Variants in ITGAV observed in about 807,000 individuals in gnomAD.
ITGAV encodes integrin alpha-V.
In ITGAV, 76 loss-of-function variants were observed where a neutral mutation model predicts 143.8. The observed-to-expected ratio is 0.53, with a 90% confidence interval of 0.44 to 0.64. ITGAV has a LOEUF of 0.64. Ranked by LOEUF, ITGAV falls within the 30% of genes least tolerant of loss-of-function variation. ITGAV has a pLI of 0.00. For missense variants in ITGAV, 1,193 were observed against 1,274.7 expected (o/e 0.94, Z 0.98); for synonymous variants, 453 against 446.7 (o/e 1.01, Z -0.18).
At chr2:186,616,853 A>G (rs945348032) in intron 2 of ITGAV, among the ~76,000 whole-genome samples, 4 of 151,734 alleles carry the variant, frequency 2.6e-5, no homozygotes, top group Non-Finnish European at 5.9e-5. Context: ...TCTTCCACTA[A>G]CCTGTCCATT....
At chr2:186,613,088 C>T (rs569160328) in intron 2 of ITGAV, among the ~76,000 whole-genome samples, 3 of 150,720 alleles carry the variant, frequency 2.0e-5, no homozygotes, top group African/African-American at 7.3e-5. Context: ...AAAGTTTCTT[C>T]CTTTCCCTGC....
chr2:186,665,872 T>C (rs912415363), intron 21 of ITGAV, among the ~76,000 whole-genome samples: 11 of 152,220 alleles, frequency 7.2e-5, no homozygotes, highest in Non-Finnish European at 4.4e-5. Context: ...CATATTTCTT[T>C]AGTATGTTTT....
intron 2 of ITGAV, among the ~76,000 whole-genome samples, chr2:186,608,987 T>C (rs1687142009): frequency 6.6e-6 from 1 of 152,188 alleles, no homozygotes; most frequent in Admixed American, 6.5e-5. Context: ...ATCATGCCTC[T>C]TTGCATCATT....
At chr2:186,675,526 A>G in intron 26 of ITGAV, 78 bp from the exon 27 acceptor site, 2 of 1,084,788 alleles carry the variant, frequency 1.8e-6, no homozygotes, top group Non-Finnish European at 2.8e-6. Context: ...CACAAAAAGA[A>G]AAAAAATGGC....
At chr2:186,666,095 G>A (rs1377516287) in intron 21 of ITGAV, among the ~76,000 whole-genome samples, 1 of 152,182 alleles carries the variant, frequency 6.6e-6, no homozygotes, top group East Asian at 1.9e-4. Context: ...TGTGGAGTGG[G>A]AGGCAGAACC....
chr2:186,617,454 A>G (rs1012884778), intron 2 of ITGAV, among the ~76,000 whole-genome samples: 1 of 152,242 alleles, frequency 6.6e-6, no homozygotes, highest in African/African-American at 2.4e-5. Flanking sequence ...TTCTGTCCTC[A>G]AGCATGCAGT....
intron 26 of ITGAV, among the ~76,000 whole-genome samples, chr2:186,675,153 A>G (rs558364153): frequency 2.0e-5 from 3 of 152,328 alleles, no homozygotes; most frequent in African/African-American, 7.2e-5. Flanking sequence ...GTCAGAGGCC[A>G]TCAGCATGCG....
chr2:186,618,739 A>G (rs1687438096), intron 2 of ITGAV, among the ~76,000 whole-genome samples: 1 of 76,690 alleles, frequency 1.3e-5, no homozygotes, highest in Non-Finnish European at 3.3e-5. Context: ...TGCTTAGCAT[A>G]GAAGGCAACT....
At chr2:186,609,465 T>C (rs1348033253) in intron 2 of ITGAV, among the ~76,000 whole-genome samples, 1 of 152,156 alleles carries the variant, frequency 6.6e-6, no homozygotes, top group Non-Finnish European at 1.5e-5. Context: ...TCCTGTAACA[T>C]GATTTTGGTG....
At chr2:186,601,347 C>T (rs1686898156) in intron 1 of ITGAV, among the ~76,000 whole-genome samples, 1 of 151,666 alleles carries the variant, frequency 6.6e-6, no homozygotes, top group Middle Eastern at 3.2e-3. Flanking sequence ...TGTAGTTCTA[C>T]CTGCTCAGGA....
At chr2:186,656,450 T>C in intron 17 of ITGAV, 49 bp downstream of exon 17, 1 of 1,297,426 alleles carries the variant, frequency 7.7e-7, no homozygotes, top group East Asian at 2.8e-5. Flanking sequence ...TAGTCATTAG[T>C]TTTTTATCTA....
At chr2:186,611,887 A>G (rs1687226510) in intron 2 of ITGAV, among the ~76,000 whole-genome samples, 1 of 152,284 alleles carries the variant, frequency 6.6e-6, no homozygotes, top group Middle Eastern at 3.4e-3. Flanking sequence ...CCTGGGCAAC[A>G]TAATGAGATC....
At chr2:186,668,202 A>C (rs1559068075) in intron 24 of ITGAV, among the ~76,000 whole-genome samples, 1 of 12,936 alleles carries the variant, frequency 7.7e-5, no homozygotes, top group Admixed American at 8.6e-4. Flanking sequence ...ATATATATAT[A>C]TATATATATA....
chr2:186,602,223 A>G, intron 2 of ITGAV, 72 bp downstream of exon 2: 14 of 1,325,190 alleles, frequency 1.1e-5, no homozygotes, highest in Non-Finnish European at 1.5e-5. Flanking sequence ...TTTAGTTTAA[A>G]TGTAGCCATT....
chr2:186,606,773 T>A (rs533002616), intron 2 of ITGAV, among the ~76,000 whole-genome samples: 2 of 152,314 alleles, frequency 1.3e-5, no homozygotes, highest in African/African-American at 4.8e-5. Context: ...TCACTTGTCA[T>A]GCTTCAATCC....
At chr2:186,675,973 A>C (rs754368233) in intron 28 of ITGAV, 46 bp downstream of exon 28, 2 of 987,964 alleles carry the variant, frequency 2.0e-6, no homozygotes, top group Non-Finnish European at 3.2e-6. Flanking sequence ...CTCAATTCAA[A>C]TGCTGTACAT....
At position 186,677,699 on chromosome 2, in the gene ITGAV, C is replaced by A. The variant is rs1689253546; in HGVS notation, c.*407C>A. On this transcript the variant is annotated 3_prime_UTR_variant, in exon 30 of 30. Transcript: ENST00000261023. ...AAAGCAGTCCAAATTTGGACCTTAG[C>A]AATCATGTCTTTTGTATAGGTACTT... is the stretch of plus-strand genomic sequence containing the variant. 1 of 171,340 alleles carries A rather than the reference C, an allele frequency of 5.8e-6. No homozygotes were observed. The highest frequency in any genetic ancestry group is 1.3e-5 in the Non-Finnish European group (1 of 79,288). 10.6% of individuals were successfully genotyped at this position (171,340 alleles called of 1,614,324 possible).
intron 13 of ITGAV, 63 bp from the exon 14 acceptor site, chr2:186,649,777 G>A: frequency 9.3e-7 from 1 of 1,080,410 alleles, no homozygotes; most frequent in Non-Finnish European, 1.3e-6. Context: ...AAATTTTATA[G>A]AATGGTATAT....
intron 10 of ITGAV, among the ~76,000 whole-genome samples, chr2:186,639,559 A>G (rs1688045685): frequency 6.6e-6 from 1 of 152,146 alleles, no homozygotes; most frequent in Non-Finnish European, 1.5e-5. Context: ...GCATGCACTC[A>G]ATGATACTTG....
Sources: allele counts gnomAD v4.1 joint callset (sites outside exome capture counted in the v4.1 genomes callset), GRCh38; gene constraint gnomAD v4.1.1; transcripts MANE v1.5; gene names NCBI Gene and HGNC (gene_info 2026-07-23, HGNC 2026-07-21).